Variants in IFRD1 observed in about 807,000 individuals in gnomAD.
IFRD1 encodes the protein interferon-related developmental regulator 1.
A neutral mutation model predicts 52.9 loss-of-function variants in IFRD1; 35 were observed. The ratio of observed to expected loss-of-function variants is 0.66; its 90% CI spans 0.51 to 0.88. The LOEUF (loss-of-function observed/expected upper bound fraction) is 0.88. Among genes scored for constraint, IFRD1 ranks in the 40% least tolerant of loss-of-function variants. The pLI, the probability that IFRD1 is intolerant of heterozygous loss-of-function variation, is 0.00. For synonymous variants in IFRD1, 184 were observed against 188.4 expected, an observed-to-expected ratio of 0.98 and a Z score of 0.19; for missense variants, 517 against 550.8, an observed-to-expected ratio of 0.94 and a Z score of 0.61.
In IFRD1 at chr7:112,455,823, G is replaced by A; in HGVS notation, c.155G>A (p.Ser52Asn). 6.2e-7 allele frequency: 1 copy of A among 1,613,328 alleles called. No individual in the cohort carries two copies. The highest frequency in any genetic ancestry group is 8.5e-7 in the Non-Finnish European group (1 of 1,179,344). ...GAAGATGCATCAATTGAAACAATGA[G>A]CCATTGCAGTGGTTATAGCGATCCT... ...SDEDASIETM[S>N]HCSGYSDPSS... Residue 52 changes from serine (S) to asparagine (N), a missense_variant, in exon 2 of 12, where the codon AGC becomes AAC. By Grantham distance (46) the Ser-to-Asn change is conservative. Coordinates refer to ENST00000403825, the MANE Select transcript of IFRD1 (RefSeq NM_001550.4).
chr7:112,425,827 C>T (rs1201939432), intron 1 of IFRD1, among the ~76,000 whole-genome samples: 1 of 152,186 alleles, frequency 6.6e-6, no homozygotes, highest in Non-Finnish European at 1.5e-5. Flanking sequence ...ACACCACCAC[C>T]TATTACTCTT....
chr7:112,443,318 G>A (rs1442396524), intron 1 of IFRD1, among the ~76,000 whole-genome samples: 1 of 148,914 alleles, frequency 6.7e-6, no homozygotes, highest in African/African-American at 2.5e-5. Flanking sequence ...TGGGTGTGGT[G>A]GTTCATGCCT....
At position 112,468,103 on chromosome 7, in the gene IFRD1, G is replaced by A. The variant is rs749158598; in HGVS notation, c.1029G>A (p.Leu343=). The change falls in exon 9 of 12, where the codon CTG becomes CTA. Residue 343 remains leucine (L), a synonymous_variant. Coordinates refer to ENST00000403825, the MANE Select transcript of IFRD1 (RefSeq NM_001550.4). Reference sequence around the variant, plus strand: ...AGCGGTCAGTTTTCAGAGATGTCCTGAGGGCAGTGGAGGTAGGCTTCTTAA... The same window carrying A: ...AGCGGTCAGTTTTCAGAGATGTCCTAAGGGCAGTGGAGGTAGGCTTCTTAA... ...RKQRSVFRDV[L]RAVEERDFPT... The A allele has an allele frequency of 5.6e-6, 9 of 1,613,876 alleles. No homozygotes were observed. Among genetic ancestry groups the A allele is most frequent in the Non-Finnish European group, 7.6e-6 (9 of 1,179,934 alleles).
rs2117348626 is a variant in IFRD1 at position 112,477,095 on chromosome 7, GAA to G, written c.*1579_*1580del. ...ATGTTCCAAGTAGGTTAGAACCATG[GAA>G]AAGAGATTGCAAATGGTAGTTTCTT... is the stretch of plus-strand genomic sequence containing the variant. On this transcript the variant is annotated 3_prime_UTR_variant, in exon 12 of 12. Transcript: ENST00000403825. The G allele has an allele frequency of 6.6e-6, 1 of 152,314 alleles. No homozygotes were observed. Among genetic ancestry groups the G allele is most frequent in the Non-Finnish European group, 1.5e-5 (1 of 68,036 alleles). The allele number at this position is 152,314 out of a possible 1,614,324, so 9.4% of individuals were successfully genotyped here.
chr7:112,428,126 T>C (rs912708489), intron 1 of IFRD1, among the ~76,000 whole-genome samples: 6 of 152,136 alleles, frequency 3.9e-5, no homozygotes, highest in Non-Finnish European at 8.8e-5. Context: ...AACCCAGATG[T>C]AAAAACTTTC....
intron 1 of IFRD1, among the ~76,000 whole-genome samples, chr7:112,436,996 T>TTTTG (rs1041172490): frequency 1.3e-5 from 2 of 152,162 alleles, no homozygotes; most frequent in African/African-American, 4.8e-5. Context: ...GAACAGTTTT[T>TTTTG]TTTGTTTGTT....
chr7:112,452,324 C>G (rs1358783688), intron 1 of IFRD1: 1 of 339,858 alleles, frequency 2.9e-6, no homozygotes, highest in African/African-American at 2.2e-5. Flanking sequence ...CCATTCCTGG[C>G]TATTTTTTAC....
At chr7:112,430,218 G>A (rs1158320732) in intron 1 of IFRD1, among the ~76,000 whole-genome samples, 1 of 152,220 alleles carries the variant, frequency 6.6e-6, no homozygotes, top group African/African-American at 2.4e-5. Flanking sequence ...TGAAGGATTT[G>A]GGAGCCCAAT....
intron 1 of IFRD1, among the ~76,000 whole-genome samples, chr7:112,431,689 T>C (rs907128026): frequency 1.6e-4 from 24 of 152,236 alleles, no homozygotes; most frequent in African/African-American, 3.9e-4. Context: ...CCAAAGGTCA[T>C]AGGGGTTACT....
intron 5 of IFRD1, among the ~76,000 whole-genome samples, chr7:112,460,303 A>G (rs1399578622): frequency 8.0e-6 from 1 of 124,768 alleles, no homozygotes; most frequent in African/African-American, 3.1e-5. Context: ...GGAGTACAGT[A>G]GCACAATCAT....
chr7:112,472,935 C>A, intron 11 of IFRD1, 74 bp downstream of exon 11: 1 of 950,276 alleles, frequency 1.1e-6, no homozygotes, highest in Non-Finnish European at 1.7e-6. Flanking sequence ...AGCAACTTAG[C>A]TGTGTCTACC....
intron 3 of IFRD1, 56 bp from the exon 4 acceptor site, chr7:112,456,858 T>TTTTTG: frequency 6.4e-7 from 1 of 1,565,428 alleles, no homozygotes; most frequent in South Asian, 1.1e-5. Flanking sequence ...TTTTAAAAAG[T>TTTTTG]TATTTATTGT....
At chr7:112,447,976 T>C (rs75655031), upstream of IFRD1, among the ~76,000 whole-genome samples, 7,748 of 152,176 alleles carry the variant, frequency 0.051, 255 homozygotes, top group South Asian at 0.099. Flanking sequence ...CTCCCTTTCC[T>C]TGATCCAGAA....
At chr7:112,424,852 G>C (rs972126537) in intron 1 of IFRD1, among the ~76,000 whole-genome samples, 4 of 152,072 alleles carry the variant, frequency 2.6e-5, no homozygotes, top group Non-Finnish European at 5.9e-5. Context: ...TTATTCCATT[G>C]TGGTCAGAAA....
intron 1 of IFRD1, among the ~76,000 whole-genome samples, chr7:112,441,492 A>C (rs1040581856): frequency 6.6e-6 from 1 of 152,052 alleles, no homozygotes; most frequent in African/African-American, 2.4e-5. Context: ...CAGGAATTCA[A>C]TTGAGTCTCT....
chr7:112,455,225 T>A (rs1795260100), intron 1 of IFRD1, among the ~76,000 whole-genome samples: 2 of 152,006 alleles, frequency 1.3e-5, no homozygotes, highest in Admixed American at 1.3e-4. Flanking sequence ...GGCTCACACC[T>A]GTAATCTCAG....
Position 112,441,924 on chromosome 7 carries a change from G to A in IFRD1, c.-181-8584G>A, listed in dbSNP as rs115329763. On this transcript the variant is annotated intron_variant, in intron 1 of 12. Transcript: ENST00000005558. The stretch of plus-strand genomic sequence containing the variant: ...ATGACTATCCAGTGTTGAAACTAGC[G>A]GCCCTGAAGAGTTGTGTGATTCCTA... 2.0e-3 allele frequency among the ~76,000 whole-genome samples: 307 copies of A among 152,216 alleles called. 1 individual carries two copies. Among genetic ancestry groups the A allele is most frequent in the African/African-American group, 6.9e-3 (288 of 41,534 alleles).
upstream of IFRD1, among the ~76,000 whole-genome samples, chr7:112,449,831 G>GTT (rs1795107032): frequency 6.9e-5 from 8 of 115,864 alleles, no homozygotes; most frequent in Admixed American, 1.7e-4. Flanking sequence ...TTTTTTGGGG[G>GTT]GGGGGGGGGA....
intron 8 of IFRD1, 42 bp downstream of exon 8, chr7:112,462,420 G>A: frequency 7.4e-7 from 1 of 1,348,316 alleles, no homozygotes; most frequent in Non-Finnish European, 1.1e-6. Context: ...GTGTCACAAG[G>A]CCCATTGTTC....
Sources: gnomAD v4.1 joint callset for allele counts (sites outside exome capture counted in the v4.1 genomes callset) on GRCh38, gnomAD v4.1.1 for gene constraint, MANE v1.5 for transcripts, NCBI Gene and HGNC (gene_info 2026-07-23, HGNC 2026-07-21) for gene names.